Variants in JAKMIP2 observed in about 807,000 individuals in gnomAD.
JAKMIP2 encodes the protein janus kinase and microtubule-interacting protein 2.
A neutral mutation model predicts 115.0 loss-of-function variants in JAKMIP2; 25 were observed. The observed-to-expected ratio is 0.22, with a 90% CI of 0.16 to 0.30. The LOEUF (loss-of-function observed/expected upper bound fraction) is 0.30. Among genes scored for constraint, JAKMIP2 ranks in the 10% least tolerant of loss-of-function variants. The pLI, the probability that JAKMIP2 is intolerant of heterozygous loss-of-function variation, is 1.00. For missense variants in JAKMIP2, 642 were observed against 957.6 expected, an observed-to-expected ratio of 0.67 and a Z score of 4.35; for synonymous variants, 334 against 343.6, an observed-to-expected ratio of 0.97 and a Z score of 0.31.
chr5:147,604,890 TA>T (rs1400284134), intron 20 of JAKMIP2, among the ~76,000 whole-genome samples: 47 of 151,554 alleles, frequency 3.1e-4, no homozygotes, highest in Non-Finnish European at 4.9e-4. Flanking sequence ...GTTTGTTACA[TA>T]AGTATACATG....
intron 7 of JAKMIP2, among the ~76,000 whole-genome samples, chr5:147,642,270 C>T (rs4382157): frequency 0.27 from 40,421 of 151,916 alleles, 7,243 homozygotes; most frequent in East Asian, 0.58. Flanking sequence ...GAGTAGCTAG[C>T]GGGTTGGAGC....
At chr5:147,690,542 TATATATATATATATATATA>T (rs1751787759) in intron 1 of JAKMIP2, among the ~76,000 whole-genome samples, 1 of 1,750 alleles carries the variant, frequency 5.7e-4, no homozygotes, top group Admixed American at 5.8e-3. Context: ...AAAGAGATTA[TATATATATATATATATATA>T]TATATATATA....
chr5:147,609,159 C>T (rs1484223451), intron 20 of JAKMIP2, among the ~76,000 whole-genome samples: 1 of 152,138 alleles, frequency 6.6e-6, no homozygotes, highest in African/African-American at 2.4e-5. Context: ...TTAATTGGGG[C>T]ATTTAGCCCA....
chr5:147,676,159 C>T (rs572916404), intron 1 of JAKMIP2, among the ~76,000 whole-genome samples: 205 of 152,234 alleles, frequency 1.3e-3, no homozygotes, highest in African/African-American at 4.5e-3. Context: ...CGGTGAAACC[C>T]CGTCTCTACT....
intron 2 of JAKMIP2, among the ~76,000 whole-genome samples, chr5:147,670,480 G>C (rs1325124130): frequency 6.6e-6 from 1 of 152,146 alleles, no homozygotes; most frequent in Non-Finnish European, 1.5e-5. Context: ...TGCTTTCCTA[G>C]ACATGACCCT....
intron 1 of JAKMIP2, among the ~76,000 whole-genome samples, chr5:147,729,855 G>A (rs1043458204): frequency 6.6e-6 from 1 of 151,966 alleles, no homozygotes; most frequent in Non-Finnish European, 1.5e-5. Flanking sequence ...AAACACAAGA[G>A]TCAAAGAAGA....
intron 1 of JAKMIP2, among the ~76,000 whole-genome samples, chr5:147,702,611 A>G (rs373838503): frequency 0.073 from 2,394 of 32,634 alleles, 35 homozygotes; most frequent in East Asian, 0.11. Context: ...AAGGAAAGAA[A>G]GAAAGAAAGA....
chr5:147,763,201 A>G (rs1415772877), intron 1 of JAKMIP2, among the ~76,000 whole-genome samples: 1 of 152,126 alleles, frequency 6.6e-6, no homozygotes, highest in East Asian at 1.9e-4. Context: ...AGGGGTGAAG[A>G]GTTAGAATAG....
intron 1 of JAKMIP2, among the ~76,000 whole-genome samples, chr5:147,759,149 A>G (rs770541796): frequency 1.1e-4 from 16 of 152,130 alleles, no homozygotes; most frequent in Middle Eastern, 3.2e-3. Flanking sequence ...TGCCCATACC[A>G]GAAGATGTTC....
At chr5:147,727,923 A>C (rs1753583403) in intron 1 of JAKMIP2, among the ~76,000 whole-genome samples, 1 of 152,110 alleles carries the variant, frequency 6.6e-6, no homozygotes, top group Non-Finnish European at 1.5e-5. Context: ...AAGATAATAC[A>C]ACCTGGGACT....
intron 20 of JAKMIP2, among the ~76,000 whole-genome samples, chr5:147,610,444 G>A (rs1027093330): frequency 1.3e-5 from 2 of 152,182 alleles, no homozygotes; most frequent in Non-Finnish European, 2.9e-5. Flanking sequence ...AGGCCCCTCT[G>A]CTGCAAGTCT....
intron 1 of JAKMIP2, among the ~76,000 whole-genome samples, chr5:147,715,099 ATT>A (rs139999234): frequency 0.02 from 3,121 of 152,286 alleles, 53 homozygotes; most frequent in Non-Finnish European, 0.028. Context: ...TATTACAATT[ATT>A]CTTTGATAAG....
intron 1 of JAKMIP2, among the ~76,000 whole-genome samples, chr5:147,764,920 A>AAGAAAGAAAGAAAGGGAG (rs1554086034): frequency 2.5e-5 from 1 of 39,490 alleles, no homozygotes. Context: ...GAAAGAAAGA[A>AAGAAAGAAAGAAAGGGAG]AGAGAGAGAG....
intron 1 of JAKMIP2, among the ~76,000 whole-genome samples, chr5:147,712,157 G>A (rs964213555): frequency 1.5e-4 from 23 of 151,952 alleles, no homozygotes; most frequent in East Asian, 3.9e-4. Context: ...TGGCTTTGCC[G>A]CCTGTCTTCT....
chr5:147,724,508 G>A (rs1256037351), intron 1 of JAKMIP2, among the ~76,000 whole-genome samples: 2 of 152,088 alleles, frequency 1.3e-5, no homozygotes, highest in Non-Finnish European at 2.9e-5. Context: ...GTGCCTTATA[G>A]GTATTGTCCC....
chr5:147,734,210 A>C (rs1055733289), intron 1 of JAKMIP2, among the ~76,000 whole-genome samples: 1 of 152,210 alleles, frequency 6.6e-6, no homozygotes, highest in East Asian at 1.9e-4. Context: ...ATGAGATACC[A>C]TCGCATGTCA....
At chr5:147,765,414 T>C (rs1358090366) in intron 1 of JAKMIP2, among the ~76,000 whole-genome samples, 1 of 152,172 alleles carries the variant, frequency 6.6e-6, no homozygotes, top group East Asian at 1.9e-4. Flanking sequence ...ATTACAGTTT[T>C]AATCACAGCA....
chr5:147,729,894 A>G (rs999292577), intron 1 of JAKMIP2, among the ~76,000 whole-genome samples: 3 of 152,210 alleles, frequency 2.0e-5, no homozygotes, highest in South Asian at 2.1e-4. Context: ...TTAAGGAAGC[A>G]GACACTGAAG....
At chr5:147,697,829 G>T (rs762282146) in intron 1 of JAKMIP2, among the ~76,000 whole-genome samples, 1 of 152,214 alleles carries the variant, frequency 6.6e-6, no homozygotes, top group African/African-American at 2.4e-5. Flanking sequence ...CTGCAGGGGC[G>T]GAGTCCTCAT....
Sources: gnomAD v4.1 joint callset for allele counts (sites outside exome capture counted in the v4.1 genomes callset) on GRCh38, gnomAD v4.1.1 for gene constraint, MANE v1.5 for transcripts, NCBI Gene and HGNC (gene_info 2026-07-23, HGNC 2026-07-21) for gene names.